The following ELAVL2 variants were observed in gnomAD, a reference collection of about 807,000 sequenced individuals.
The protein encoded by ELAVL2 is ELAV like RNA binding protein 2, also known as ELAV-like protein 2.
In ELAVL2, 4 loss-of-function variants were observed where a neutral mutation model predicts 34.6. The ratio of observed to expected loss-of-function variants is 0.12; its 90% CI spans 0.06 to 0.26. The LOEUF (loss-of-function observed/expected upper bound fraction) is 0.26. Among genes scored for constraint, ELAVL2 ranks in the 10% least tolerant of loss-of-function variants. ELAVL2 has a pLI of 1.00. For missense variants in ELAVL2, 432 were observed against 442.8 expected (o/e 0.98, Z 0.22); for synonymous variants, 193 against 154.8 (o/e 1.25, Z -1.83).
chr9:23,746,068 CA>C (rs2050405101), intron 2 of ELAVL2, among the ~76,000 whole-genome samples: 1 of 152,048 alleles, frequency 6.6e-6, no homozygotes, highest in East Asian at 1.9e-4. Context: ...CTACTATTTT[CA>C]AAATTAAATT....
intron 1 of ELAVL2, among the ~76,000 whole-genome samples, chr9:23,805,156 C>T (rs2062049791): frequency 6.6e-6 from 1 of 152,034 alleles, no homozygotes; most frequent in South Asian, 2.1e-4. Context: ...AAAGCCATTT[C>T]AAAAATGATA....
intron 1 of ELAVL2, among the ~76,000 whole-genome samples, chr9:23,806,496 T>A (rs1482240378): frequency 6.6e-6 from 1 of 151,952 alleles, no homozygotes; most frequent in Non-Finnish European, 1.5e-5. Context: ...AATTAGCCAG[T>A]TGCAGTAAAG....
chr9:23,758,703 C>T (rs1225516955), intron 2 of ELAVL2, among the ~76,000 whole-genome samples: 1 of 152,088 alleles, frequency 6.6e-6, no homozygotes, highest in Non-Finnish European at 1.5e-5. Context: ...GAGAGATACT[C>T]ACTCTTCCCA....
At chr9:23,841,927 T>G in the ELAVL2 span, among the ~76,000 whole-genome samples, 9 of 152,162 alleles carry the variant, frequency 5.9e-5, no homozygotes, top group Non-Finnish European at 2.9e-5. Flanking sequence ...AGTAAACTTT[T>G]TCTTTTTCAA....
At chr9:23,784,206 A>G (rs1258518510) in intron 1 of ELAVL2, among the ~76,000 whole-genome samples, 2 of 150,802 alleles carry the variant, frequency 1.3e-5, no homozygotes, top group Non-Finnish European at 3.0e-5. Flanking sequence ...CTCAAAAAAC[A>G]AAAACAAAAA....
chr9:23,738,439 TGTGAGATGGAGGACTG>T (rs1218271038), intron 2 of ELAVL2, among the ~76,000 whole-genome samples: 1 of 152,156 alleles, frequency 6.6e-6, no homozygotes, highest in African/African-American at 2.4e-5. Flanking sequence ...AAGATCAAAT[TGTGAGATGGAGGACTG>T]GTGAGATCCT....
chr9:23,705,079 A>T lies in ELAVL2; in HGVS notation c.334-8T>A. 6.2e-7 allele frequency: 1 copy of T among 1,613,880 alleles called. No homozygotes were observed. Among genetic ancestry groups the T allele is most frequent in the Non-Finnish European group, 8.5e-7 (1 of 1,179,960 alleles). On this transcript the variant is annotated splice_region_variant and splice_polypyrimidine_tract_variant and intron_variant, in intron 3 of 6. Coordinates refer to ENST00000397312, the MANE Select transcript of ELAVL2 (RefSeq NM_004432.5). ...TGGGCGAGCATAGGAAACCTGGAAA[A>T]GGAAAATAAAATTAAATGTATATGC...
In ELAVL2 at chr9:23,728,177, A is replaced by G. The variant is rs551721284; in HGVS notation, c.333+2845T>C. 5.9e-5 allele frequency among the ~76,000 whole-genome samples: 9 copies of G among 152,126 alleles called. No individual in the cohort carries two copies. The South Asian group carries it at 1.7e-3, about 28-fold the overall frequency. On this transcript the variant is annotated intron_variant, in intron 3 of 6. Transcript: ENST00000397312. ...AGAACAGTGCTTAAGCCTAAATTAC[A>G]TATGGGTCCCCCTGTAATTCCAAAA...
intron 1 of ELAVL2, among the ~76,000 whole-genome samples, chr9:23,814,310 C>A (rs2063413319): frequency 6.6e-6 from 1 of 151,988 alleles, no homozygotes; most frequent in Admixed American, 6.6e-5. Context: ...AAAGCCCAAG[C>A]AGGATAAGAA....
chr9:23,842,017 A>C, the ELAVL2 span, among the ~76,000 whole-genome samples: 1 of 152,212 alleles, frequency 6.6e-6, no homozygotes, highest in African/African-American at 2.4e-5. Context: ...ATTGCCTGAC[A>C]CTTGCTGAAA....
chr9:23,712,311 TC>T (rs1435360506), intron 3 of ELAVL2, among the ~76,000 whole-genome samples: 1 of 152,128 alleles, frequency 6.6e-6, no homozygotes, highest in African/African-American at 2.4e-5. Flanking sequence ...CATAAAATCT[TC>T]CTGTGAAATG....
intron 1 of ELAVL2, among the ~76,000 whole-genome samples, chr9:23,822,914 C>G (rs1444829228): frequency 6.6e-6 from 1 of 152,196 alleles, no homozygotes; most frequent in Non-Finnish European, 1.5e-5. Context: ...CGCCCCCATG[C>G]GACGGGCGGA....
Position 23,818,345 on chromosome 9 carries a change from A to G in ELAVL2, c.-16+7461T>C, listed in dbSNP as rs552334287. On this transcript the variant is annotated intron_variant, in intron 1 of 6. Coordinates refer to ENST00000397312, the MANE Select transcript of ELAVL2 (RefSeq NM_004432.5). The stretch of plus-strand genomic sequence containing the variant: ...TACGTAATCTGTGGGTCCCAGTGCA[A>G]GATGAAAATGCAGGGTAACCTTGTC... Among the ~76,000 whole-genome samples the G allele has an allele frequency of 2.6e-5, 4 of 152,336 alleles. No individual in the cohort carries two copies. In the South Asian group the frequency reaches 8.3e-4, roughly 32 times the overall value.
At chr9:23,781,518 C>CTTT (rs34293408) in intron 1 of ELAVL2, among the ~76,000 whole-genome samples, 65 of 135,800 alleles carry the variant, frequency 4.8e-4, no homozygotes, top group South Asian at 9.4e-4. Context: ...TTTTTCTTTC[C>CTTT]TTTTTTTTTT....
chr9:23,844,667 T>C, the ELAVL2 span, among the ~76,000 whole-genome samples: 4 of 151,996 alleles, frequency 2.6e-5, no homozygotes, highest in Non-Finnish European at 4.4e-5. Context: ...TAGTTCTTAA[T>C]GGTAATGACC....
At chr9:23,722,472 A>G (rs1196655284) in intron 3 of ELAVL2, among the ~76,000 whole-genome samples, 1 of 152,188 alleles carries the variant, frequency 6.6e-6, no homozygotes, top group Non-Finnish European at 1.5e-5. Flanking sequence ...TCACTCTGCA[A>G]GAGGGCAGAG....
chr9:23,836,345 C>A, the ELAVL2 span, among the ~76,000 whole-genome samples: 4 of 152,138 alleles, frequency 2.6e-5, no homozygotes, highest in Non-Finnish European at 5.9e-5. Context: ...TATTTTCACA[C>A]AATTTACTGT....
chr9:23,696,191 C>T (rs1017277079), intron 5 of ELAVL2, among the ~76,000 whole-genome samples: 9 of 152,000 alleles, frequency 5.9e-5, no homozygotes, highest in Non-Finnish European at 1.3e-4. Context: ...AAAACAGTGC[C>T]CAGGCACTGC....
chr9:23,755,956 T>C (rs896581077), intron 2 of ELAVL2, among the ~76,000 whole-genome samples: 1 of 152,136 alleles, frequency 6.6e-6, no homozygotes, highest in Non-Finnish European at 1.5e-5. Flanking sequence ...TTAATGTTCA[T>C]CAAAACAGCT....
Sources: allele counts gnomAD v4.1 joint callset (sites outside exome capture counted in the v4.1 genomes callset), GRCh38; gene constraint gnomAD v4.1.1; transcripts MANE v1.5; gene names NCBI Gene and HGNC (gene_info 2026-07-23, HGNC 2026-07-21).